The following GABRG3 variants were observed in gnomAD, a reference collection of about 807,000 sequenced individuals.
GABRG3 encodes the protein gamma-aminobutyric acid receptor subunit gamma-3.
A neutral mutation model predicts 48.8 loss-of-function variants in GABRG3; 25 were observed. The observed-to-expected ratio is 0.51, with a 90% CI of 0.37 to 0.72. GABRG3 has a LOEUF of 0.72. GABRG3 is among the 30% of genes least tolerant of loss of function. The probability of loss-of-function intolerance (pLI) is 0.00; values close to 1 mark genes in which losing one functional copy is unlikely to be tolerated. For synonymous variants in GABRG3, 227 were observed against 217.6 expected, an observed-to-expected ratio of 1.04 and a Z score of -0.38; for missense variants, 394 against 577.9, an observed-to-expected ratio of 0.68 and a Z score of 3.26.
chr15:27,001,817 T>C (rs1013836463), intron 2 of GABRG3, among the ~76,000 whole-genome samples: 4 of 152,100 alleles, frequency 2.6e-5, no homozygotes, highest in Non-Finnish European at 4.4e-5. Context: ...GATTAATCAA[T>C]TGACCACTGG....
intron 6 of GABRG3, 47 bp from the exon 7 acceptor site, chr15:27,519,925 T>G: frequency 7.6e-7 from 1 of 1,316,776 alleles, no homozygotes; most frequent in Non-Finnish European, 1.0e-6. Flanking sequence ...CCTGAATTAT[T>G]TTTGACCCAT....
chr15:27,195,319 C>CTCTT (rs1331442672), intron 3 of GABRG3, among the ~76,000 whole-genome samples: 1 of 152,130 alleles, frequency 6.6e-6, no homozygotes, highest in East Asian at 1.9e-4. Context: ...TTCTCTCCCT[C>CTCTT]TCTTTCTTTC....
At chr15:27,445,995 T>C (rs1274834463) in intron 5 of GABRG3, among the ~76,000 whole-genome samples, 1 of 152,212 alleles carries the variant, frequency 6.6e-6, no homozygotes, top group Non-Finnish European at 1.5e-5. Flanking sequence ...TTCTATTTTG[T>C]TGATCTATAT....
At chr15:27,036,213 C>T (rs150479123) in intron 3 of GABRG3, among the ~76,000 whole-genome samples, 2 of 152,266 alleles carry the variant, frequency 1.3e-5, no homozygotes, top group East Asian at 1.9e-4. Context: ...TGTGGCCACC[C>T]CGTGAAGGTT....
chr15:27,522,137 G>T (rs967845074), intron 7 of GABRG3, among the ~76,000 whole-genome samples: 2 of 151,944 alleles, frequency 1.3e-5, no homozygotes, highest in Non-Finnish European at 2.9e-5. Context: ...GTCCTGTCAT[G>T]TGGATGAGCA....
intron 6 of GABRG3, among the ~76,000 whole-genome samples, chr15:27,494,246 C>T (rs537911907): frequency 6.6e-6 from 1 of 151,638 alleles, no homozygotes; most frequent in Non-Finnish European, 1.5e-5. Context: ...ATATTATTAA[C>T]AATACAACAT....
intron 3 of GABRG3, among the ~76,000 whole-genome samples, chr15:27,299,454 T>A (rs1347226064): frequency 3.3e-5 from 5 of 152,322 alleles, no homozygotes; most frequent in Non-Finnish European, 7.4e-5. Flanking sequence ...TCTCCTTCAT[T>A]ACTTCTTGAT....
intron 6 of GABRG3, among the ~76,000 whole-genome samples, chr15:27,518,195 C>CCAAAAAAAAAAAAAAAAAA (rs1891069540): frequency 2.3e-5 from 2 of 88,032 alleles, no homozygotes; most frequent in African/African-American, 8.5e-5. Flanking sequence ...ACTAAAAATA[C>CCAAAAAAAAAAAAAAAAAA]AAAAAAAAAA....
At chr15:27,122,940 G>T (rs1485945616) in intron 3 of GABRG3, among the ~76,000 whole-genome samples, 1 of 152,208 alleles carries the variant, frequency 6.6e-6, no homozygotes, top group African/African-American at 2.4e-5. Flanking sequence ...AGGAAGGTTA[G>T]GGTGGTCCCC....
At chr15:27,103,585 T>G (rs1321436680) in intron 3 of GABRG3, among the ~76,000 whole-genome samples, 2 of 152,112 alleles carry the variant, frequency 1.3e-5, no homozygotes, top group Non-Finnish European at 2.9e-5. Flanking sequence ...AAAGCAAAAT[T>G]AACCCCTCCC....
intron 3 of GABRG3, among the ~76,000 whole-genome samples, chr15:27,052,941 TG>T (rs951086347): frequency 1.3e-5 from 2 of 152,172 alleles, no homozygotes; most frequent in Admixed American, 1.3e-4. Context: ...TAAATAGTGC[TG>T]GGAAAACAGG....
At chr15:27,513,076 G>A (rs1381728332) in intron 6 of GABRG3, among the ~76,000 whole-genome samples, 1 of 152,070 alleles carries the variant, frequency 6.6e-6, no homozygotes, top group Non-Finnish European at 1.5e-5. Flanking sequence ...CATAGACAGA[G>A]ATGAAAAGAT....
chr15:27,486,226 G>C (rs1365189882), intron 6 of GABRG3, among the ~76,000 whole-genome samples: 1 of 152,152 alleles, frequency 6.6e-6, no homozygotes, highest in African/African-American at 2.4e-5. Flanking sequence ...GATCAAGGAA[G>C]AAGCCTGGGG....
intron 3 of GABRG3, among the ~76,000 whole-genome samples, chr15:27,308,754 T>TATATAAAACAC (rs1566775126): frequency 2.0e-5 from 3 of 149,638 alleles, no homozygotes; most frequent in Non-Finnish European, 4.5e-5. Context: ...TGTAAACATA[T>TATATAAAACAC]AATGTAAACA....
intron 3 of GABRG3, among the ~76,000 whole-genome samples, chr15:27,200,279 T>G (rs1236960128): frequency 6.6e-6 from 1 of 152,218 alleles, no homozygotes; most frequent in Non-Finnish European, 1.5e-5. Context: ...CAGGCATGGC[T>G]GTCACACTCA....
intron 5 of GABRG3, among the ~76,000 whole-genome samples, chr15:27,409,520 G>A (rs1025562718): frequency 6.6e-6 from 1 of 152,092 alleles, no homozygotes; most frequent in Non-Finnish European, 1.5e-5. Context: ...TTAACATCAG[G>A]TAGAGTGCTT....
intron 3 of GABRG3, among the ~76,000 whole-genome samples, chr15:27,256,843 A>G (rs1461905703): frequency 6.6e-6 from 1 of 152,170 alleles, no homozygotes; most frequent in East Asian, 1.9e-4. Context: ...AAGGGCCCTT[A>G]GGTCCATGTC....
At chr15:27,326,115 A>G (rs549644175) in intron 3 of GABRG3, among the ~76,000 whole-genome samples, 2 of 152,226 alleles carry the variant, frequency 1.3e-5, no homozygotes, top group South Asian at 2.1e-4. Context: ...TGGCTGCACA[A>G]AGTCTTACTG....
At chr15:27,387,252 C>T (rs540354970) in intron 5 of GABRG3, among the ~76,000 whole-genome samples, 6 of 123,976 alleles carry the variant, frequency 4.8e-5, no homozygotes, top group Non-Finnish European at 6.8e-5. Flanking sequence ...TTGTAATTCA[C>T]GTTTTTTTTT....
Sources: allele counts gnomAD v4.1 joint callset (sites outside exome capture counted in the v4.1 genomes callset), GRCh38; gene constraint gnomAD v4.1.1; transcripts MANE v1.5; gene names NCBI Gene and HGNC (gene_info 2026-07-23, HGNC 2026-07-21).